The following INTS6 variants were observed in gnomAD, a reference collection of about 807,000 sequenced individuals.
The protein encoded by INTS6 is DEAD box protein.
In INTS6, 16 loss-of-function variants were observed where a neutral mutation model predicts 104.9. The observed-to-expected ratio is 0.15, with a 90% CI of 0.10 to 0.23. The LOEUF is 0.23. INTS6 is among the 10% of genes least tolerant of loss of function. The pLI, the probability that INTS6 is intolerant of heterozygous loss-of-function variation, is 1.00. For missense variants in INTS6, 584 were observed against 1,062.8 expected (o/e 0.55, Z 6.26); for synonymous variants, 324 against 358.7 (o/e 0.90, Z 1.09).
intron 3 of INTS6, among the ~76,000 whole-genome samples, chr13:51,435,885 T>C (rs1423187015): frequency 6.6e-6 from 1 of 152,032 alleles, no homozygotes; most frequent in Non-Finnish European, 1.5e-5. Context: ...AACTGGGTAA[T>C]AACATATTAC....
rs1185555279 is a variant in INTS6, at chr13:51,387,514, AAGGCCTTGATATATC to A, written c.751_765del (p.Asp251_Pro255del). On this transcript the variant is annotated inframe_deletion, in exon 7 of 18. Transcript: ENST00000311234. ...CAGCTATGCCAAGGCTGAGATCCAA[AAGGCCTTGATATATC>A]TGGCTGCCCATCTATAGCAAAGAAA... The A allele has an allele frequency of 1.2e-6, 2 of 1,612,604 alleles. No individual in the cohort carries two copies.
At chr13:51,428,968 T>C (rs760023570) in intron 4 of INTS6, among the ~76,000 whole-genome samples, 3 of 152,186 alleles carry the variant, frequency 2.0e-5, no homozygotes, top group Non-Finnish European at 4.4e-5. Context: ...AGAATAATAC[T>C]ATATACTTCT....
chr13:51,383,329 C>G lies in INTS6; in HGVS notation c.1180G>C (p.Asp394His), dbSNP rs751885892. Residue 394 changes from aspartate to histidine, a missense_variant and splice_region_variant, in exon 9 of 18, where the codon GAT becomes CAT. By Grantham distance (81) the Asp-to-His change is moderately conservative. Coordinates refer to ENST00000311234, the MANE Select transcript of INTS6 (RefSeq NM_012141.3). ...YNYPVLLPLL[D>H]DLFKVHKAKP... is the part of the protein sequence containing the mutation. ...GGAGAAAGTGACAAGAATGACTTACCTAAGAGGGGAAGAAGGACTGGATAA... is the reference window on the plus strand; with the variant it reads ...GGAGAAAGTGACAAGAATGACTTACGTAAGAGGGGAAGAAGGACTGGATAA... 208 of 1,607,084 alleles carry G rather than the reference C, an allele frequency of 1.3e-4. No individual in the cohort carries two copies. The highest frequency in any genetic ancestry group is 1.7e-4 in the Non-Finnish European group (201 of 1,176,564).
intron 3 of INTS6, among the ~76,000 whole-genome samples, chr13:51,356,401 A>G (rs1345919469): frequency 6.6e-6 from 1 of 152,186 alleles, no homozygotes; most frequent in Non-Finnish European, 1.5e-5. Flanking sequence ...AGAGAATTCT[A>G]TGTTTGATAA....
At chr13:51,417,181 T>A (rs1956802787) in intron 4 of INTS6, among the ~76,000 whole-genome samples, 1 of 152,238 alleles carries the variant, frequency 6.6e-6, no homozygotes, top group Non-Finnish European at 1.5e-5. Context: ...TCTTTTCACT[T>A]TCTTGACAGT....
At chr13:51,404,158 C>G (rs960835065) in intron 4 of INTS6, among the ~76,000 whole-genome samples, 1 of 151,422 alleles carries the variant, frequency 6.6e-6, no homozygotes, top group African/African-American at 2.4e-5. Context: ...CCTGCAGTCC[C>G]AGCTAGTTGG....
intron 4 of INTS6, among the ~76,000 whole-genome samples, chr13:51,421,711 AT>A (rs1275266587): frequency 6.6e-6 from 1 of 152,144 alleles, no homozygotes; most frequent in East Asian, 1.9e-4. Flanking sequence ...CATACTCAAC[AT>A]TTTCATTCTC....
intron 12 of INTS6, 57 bp from the exon 13 acceptor site, chr13:51,376,231 T>A: frequency 7.1e-7 from 1 of 1,414,790 alleles, no homozygotes; most frequent in Non-Finnish European, 9.6e-7. Flanking sequence ...TACAAGAGAC[T>A]AAAATCTCTA....
intron 3 of INTS6, chr13:51,445,866 C>G (rs905621259): frequency 3.3e-5 from 5 of 152,192 alleles, no homozygotes; most frequent in Non-Finnish European, 7.4e-5. Flanking sequence ...GGTGGAAAAA[C>G]TGGATATCCA....
At chr13:51,384,956 G>A in intron 7 of INTS6, 1 of 246,298 alleles carries the variant, frequency 4.1e-6, no homozygotes, top group Non-Finnish European at 8.1e-6. Flanking sequence ...AATATAAATA[G>A]GATCATATAA....
intron 12 of INTS6, 117 bp downstream of exon 12, chr13:51,378,122 G>T (rs1955969694): frequency 1.3e-6 from 1 of 744,652 alleles, no homozygotes; most frequent in African/African-American, 1.7e-5. Flanking sequence ...GTCTACAAGA[G>T]TACAGAAGTA....
At chr13:51,376,001 A>C (rs1300780361) in intron 13 of INTS6, 47 bp downstream of exon 13, 1 of 1,480,168 alleles carries the variant, frequency 6.8e-7, no homozygotes. Context: ...TTTTCAGACT[A>C]TAAAGAAAAA....
intron 16 of INTS6, among the ~76,000 whole-genome samples, chr13:51,368,110 T>G (rs1455903954): frequency 2.6e-5 from 4 of 152,112 alleles, no homozygotes; most frequent in Non-Finnish European, 4.4e-5. Context: ...AAACCCTGCT[T>G]TGTAAGTAAA....
chr13:51,416,356 T>C (rs1415427152), intron 4 of INTS6, among the ~76,000 whole-genome samples: 1 of 152,230 alleles, frequency 6.6e-6, no homozygotes, highest in Admixed American at 6.5e-5. Flanking sequence ...AACATTTTGA[T>C]CACCTGAAAA....
At chr13:51,400,380 T>C (rs952228699) in intron 4 of INTS6, among the ~76,000 whole-genome samples, 6 of 152,258 alleles carry the variant, frequency 3.9e-5, no homozygotes, top group African/African-American at 1.4e-4. Flanking sequence ...TTAGTGCTTT[T>C]TGTTTCCTCA....
At chr13:51,360,332 T>G (rs1377638950), downstream of INTS6, among the ~76,000 whole-genome samples, 1 of 151,492 alleles carries the variant, frequency 6.6e-6, no homozygotes, top group Non-Finnish European at 1.5e-5. Flanking sequence ...AGGAGAGGGG[T>G]GGGATGGGAG....
chr13:51,452,119 G>C lies in INTS6; in HGVS notation c.112-64C>G. 1 of 1,480,424 alleles carries C rather than the reference G, an allele frequency of 6.8e-7. No individual in the cohort carries two copies. The highest frequency in any genetic ancestry group is 9.3e-7 in the Non-Finnish European group (1 of 1,071,470). 91.7% of individuals were successfully genotyped at this position (1,480,424 alleles called of 1,614,324 possible). A position where few individuals can be genotyped will look rare whatever the true frequency, so the allele number is the denominator to read the frequency against. On this transcript the variant is annotated intron_variant, in intron 1 of 17. Coordinates refer to ENST00000311234, the MANE Select transcript of INTS6 (RefSeq NM_012141.3). This position sits in a 1 kb window ranked among gnomAD's most constrained non-coding sequence, Gnocchi z 4.2. ...AGCACAGAGGCGAGGTTACGAGGCG[G>C]AGAAGGGGCGCCCAGCGGCCCCGCC...
downstream of INTS6, among the ~76,000 whole-genome samples, chr13:51,359,040 G>A (rs934769257): frequency 2.0e-5 from 3 of 152,042 alleles, no homozygotes; most frequent in African/African-American, 7.2e-5. Flanking sequence ...GTGCAAAACT[G>A]TTTAGCATCT....
chr13:51,435,754 C>T (rs545968508), intron 3 of INTS6, among the ~76,000 whole-genome samples: 6 of 152,110 alleles, frequency 3.9e-5, no homozygotes, highest in Admixed American at 6.5e-5. Flanking sequence ...TACCCTTAAA[C>T]GGGTCATAAA....
Sources: allele counts gnomAD v4.1 joint callset (sites outside exome capture counted in the v4.1 genomes callset), GRCh38; gene constraint gnomAD v4.1.1; non-coding constraint Gnocchi (gnomAD v3.1); transcripts MANE v1.5; gene names NCBI Gene and HGNC (gene_info 2026-07-23, HGNC 2026-07-21).